The following DYNC2I2 variants were observed in gnomAD, a reference collection of about 807,000 sequenced individuals.
The protein encoded by DYNC2I2 is cytoplasmic dynein 2 intermediate chain 2.
DYNC2I2 carries 39 observed loss-of-function variants against 52.0 expected under a neutral mutation model. That is an observed-to-expected ratio of 0.75 (90% CI 0.58 to 0.98). The LOEUF (loss-of-function observed/expected upper bound fraction) is 0.98. Ranked by LOEUF, DYNC2I2 falls within the 50% of genes least tolerant of loss-of-function variation. DYNC2I2 has a pLI of 0.00. For synonymous variants in DYNC2I2, 359 were observed against 321.1 expected (o/e 1.12, Z -1.26); for missense variants, 743 against 728.4 (o/e 1.02, Z -0.23).
At chr9:128,681,277 G>C in the DYNC2I2 span, among the ~76,000 whole-genome samples, 3 of 151,902 alleles carry the variant, frequency 2.0e-5, no homozygotes, top group African/African-American at 7.3e-5. Flanking sequence ...TTTTAGTAGA[G>C]ACAGGGTTTC....
chr9:128,678,042 T>G, the DYNC2I2 span, among the ~76,000 whole-genome samples: 1 of 152,208 alleles, frequency 6.6e-6, no homozygotes, highest in South Asian at 2.1e-4. Context: ...CTTTTTTCCC[T>G]TCGACTTAGC....
At chr9:128,648,573 G>A (rs1196108333) in intron 1 of DYNC2I2, among the ~76,000 whole-genome samples, 1 of 149,384 alleles carries the variant, frequency 6.7e-6, no homozygotes, top group African/African-American at 2.5e-5. Context: ...ATCACTTGAG[G>A]CCAGGAGTTC....
chr9:128,670,529 A>G, the DYNC2I2 span, among the ~76,000 whole-genome samples: 1 of 150,036 alleles, frequency 6.7e-6, no homozygotes, highest in African/African-American at 2.5e-5. Context: ...TGAGGTCAAG[A>G]GATCGAGACC....
the DYNC2I2 span, among the ~76,000 whole-genome samples, chr9:128,681,802 G>A: frequency 1.1e-3 from 172 of 152,216 alleles, 5 homozygotes; most frequent in East Asian, 0.027. Context: ...GGTTGGGTGC[G>A]GTGGCTCACA....
rs1860338648 is a variant in DYNC2I2, at chr9:128,634,731, T to TG, written c.1171dup (p.His391ProfsTer24). 2 of 1,595,218 alleles carry TG rather than the reference T, an allele frequency of 1.3e-6. No individual in the cohort carries two copies. The highest frequency in any genetic ancestry group is 2.3e-5 in the East Asian group (1 of 44,062). Reference sequence around the variant, plus strand: ...GCTCACAGAGTAGATGGGACCGCCGTGGGGGGAGAAGGTAAACTGTGCTGG... The same window carrying TG: ...GCTCACAGAGTAGATGGGACCGCCGTGGGGGGGAGAAGGTAAACTGTGCTGG... On this transcript the variant is annotated frameshift_variant, in exon 7 of 9. Coordinates refer to ENST00000372715, the MANE Select transcript of DYNC2I2 (RefSeq NM_052844.4). LOFTEE classifies it high-confidence loss of function.
At chr9:128,642,730 G>T (rs540405484) in intron 1 of DYNC2I2, among the ~76,000 whole-genome samples, 1 of 152,086 alleles carries the variant, frequency 6.6e-6, no homozygotes, top group Non-Finnish European at 1.5e-5. Flanking sequence ...ACTCCAGCCC[G>T]GGTGACAGAG....
the DYNC2I2 span, among the ~76,000 whole-genome samples, chr9:128,681,455 T>A: frequency 6.6e-6 from 1 of 152,228 alleles, no homozygotes; most frequent in Non-Finnish European, 1.5e-5. Context: ...TCATTCTACC[T>A]TGGACAGACA....
At chr9:128,662,667 C>A in the DYNC2I2 span, among the ~76,000 whole-genome samples, 1 of 152,154 alleles carries the variant, frequency 6.6e-6, no homozygotes, top group South Asian at 2.1e-4. Flanking sequence ...GCAACCTTCA[C>A]CTCCTAGGTT....
upstream of DYNC2I2, among the ~76,000 whole-genome samples, chr9:128,661,167 C>A (rs192542069): frequency 2.9e-3 from 432 of 151,052 alleles, no homozygotes; most frequent in Non-Finnish European, 3.7e-3. Flanking sequence ...CATGGTGAAA[C>A]CCTGTCTCTA....
chr9:128,646,862 C>G (rs1291939894), intron 1 of DYNC2I2, among the ~76,000 whole-genome samples: 1 of 152,226 alleles, frequency 6.6e-6, no homozygotes, highest in Non-Finnish European at 1.5e-5. Context: ...CACAGTGGCT[C>G]ACGCCTGTAA....
At chr9:128,682,937 A>G in the DYNC2I2 span, among the ~76,000 whole-genome samples, 1 of 150,912 alleles carries the variant, frequency 6.6e-6, no homozygotes, top group African/African-American at 2.4e-5. Flanking sequence ...CAGCCTCCCA[A>G]AGTGCTGGGA....
At chr9:128,675,793 C>T in the DYNC2I2 span, among the ~76,000 whole-genome samples, 7 of 152,110 alleles carry the variant, frequency 4.6e-5, no homozygotes, top group Non-Finnish European at 8.8e-5. Context: ...TGCTTTGCCC[C>T]CAGCTGCCCT....
chr9:128,668,158 A>G, the DYNC2I2 span, among the ~76,000 whole-genome samples: 11 of 151,874 alleles, frequency 7.2e-5, no homozygotes, highest in African/African-American at 2.7e-4. Context: ...ACGGGGTTTC[A>G]TCATGTTGGC....
At chr9:128,669,392 T>G in the DYNC2I2 span, among the ~76,000 whole-genome samples, 2 of 151,238 alleles carry the variant, frequency 1.3e-5, no homozygotes, top group African/African-American at 4.9e-5. Flanking sequence ...TAAAAAAAAT[T>G]TTTAAAATTA....
the DYNC2I2 span, among the ~76,000 whole-genome samples, chr9:128,671,546 C>G: frequency 7.0e-6 from 1 of 143,228 alleles, no homozygotes; most frequent in African/African-American, 2.6e-5. Context: ...GATCTCGATT[C>G]AATGTAACCT....
chr9:128,668,460 G>A, the DYNC2I2 span, among the ~76,000 whole-genome samples: 1 of 152,058 alleles, frequency 6.6e-6, no homozygotes, highest in African/African-American at 2.4e-5. Flanking sequence ...ACTGCATTGG[G>A]TCGTAAATCA....
the DYNC2I2 span, among the ~76,000 whole-genome samples, chr9:128,667,316 A>C: frequency 6.6e-6 from 1 of 152,078 alleles, no homozygotes; most frequent in African/African-American, 2.4e-5. Context: ...AACTGTGATT[A>C]TTTATTTTTA....
intron 1 of DYNC2I2, among the ~76,000 whole-genome samples, chr9:128,656,201 C>A (rs1340861649): frequency 6.7e-6 from 1 of 148,346 alleles, no homozygotes; most frequent in Non-Finnish European, 1.5e-5. Flanking sequence ...CAGAGCGAGA[C>A]CCTGTTCAAA....
the DYNC2I2 span, chr9:128,683,498 A>AG: frequency 4.2e-6 from 1 of 237,232 alleles, no homozygotes; most frequent in Non-Finnish European, 8.2e-6. Flanking sequence ...GAAAAAAAAA[A>AG]GAGGATAAGT....
Sources: gnomAD v4.1 joint callset for allele counts (sites outside exome capture counted in the v4.1 genomes callset) on GRCh38, gnomAD v4.1.1 for gene constraint, MANE v1.5 for transcripts, NCBI Gene and HGNC (gene_info 2026-07-23, HGNC 2026-07-21) for gene names.